Variants in NSD1 observed in about 807,000 individuals in gnomAD.
NSD1 encodes nuclear receptor binding SET domain protein 1.
A neutral mutation model predicts 242.7 loss-of-function variants in NSD1; 26 were observed. The observed-to-expected ratio is 0.11, with a 90% CI of 0.08 to 0.15. The LOEUF (loss-of-function observed/expected upper bound fraction) is 0.15. Ranked by LOEUF, NSD1 falls within the 10% of genes least tolerant of loss-of-function variation. NSD1 has a pLI of 1.00. For synonymous variants in NSD1, 1,106 were observed against 1,178.1 expected, an observed-to-expected ratio of 0.94 and a Z score of 1.25; for missense variants, 2,495 against 3,272.8, an observed-to-expected ratio of 0.76 and a Z score of 5.80.
intron 14 of NSD1, among the ~76,000 whole-genome samples, chr5:177,262,935 G>A (rs941029072): frequency 6.6e-6 from 1 of 152,224 alleles, no homozygotes; most frequent in Non-Finnish European, 1.5e-5. Flanking sequence ...TAAAAATGCA[G>A]TTTCACTGAG....
rs1313604020 is a variant in NSD1 at position 177,260,089 on chromosome 5, C to T, written c.5067C>T (p.Cys1689=). The change falls in exon 14 of 23, where the codon TGC becomes TGT. Residue 1689 remains cysteine, a synonymous_variant. Transcript: ENST00000439151. The stretch of plus-strand genomic sequence containing the variant: ...TCCTTGCATCTAATAGTATCATCTG[C>T]CCTAATCACTTTACCCCTAGGCGGG... ...SKILASNSII[C]PNHFTPRRGC... 6.2e-6 allele frequency: 10 copies of T among 1,614,004 alleles called. No homozygotes were observed. The South Asian group carries it at 8.8e-5, about 14-fold the overall frequency.
intron 17 of NSD1, among the ~76,000 whole-genome samples, chr5:177,278,509 C>T (rs1349586734): frequency 6.6e-6 from 1 of 152,016 alleles, no homozygotes; most frequent in Non-Finnish European, 1.5e-5. Context: ...TAATAAAATG[C>T]AAGAAATGAA....
chr5:177,174,242 T>C (rs1759982485), intron 2 of NSD1, among the ~76,000 whole-genome samples: 1 of 152,076 alleles, frequency 6.6e-6, no homozygotes, highest in African/African-American at 2.4e-5. Context: ...GTGCCCCAGC[T>C]ACTTGGGATG....
intron 14 of NSD1, among the ~76,000 whole-genome samples, chr5:177,263,857 A>C (rs1475755331): frequency 6.6e-6 from 1 of 152,160 alleles, no homozygotes; most frequent in East Asian, 1.9e-4. Context: ...GGCGAATGAT[A>C]AAATTTGAGC....
At chr5:177,148,864 G>C (rs1757468524) in intron 2 of NSD1, among the ~76,000 whole-genome samples, 1 of 152,144 alleles carries the variant, frequency 6.6e-6, no homozygotes. Context: ...TGTTGCCCAG[G>C]CTGAAGTGCA....
chr5:177,139,696 T>G (rs1756648043), intron 2 of NSD1, among the ~76,000 whole-genome samples: 1 of 152,194 alleles, frequency 6.6e-6, no homozygotes, highest in Non-Finnish European at 1.5e-5. Flanking sequence ...GGCTAACACC[T>G]GTAATTCTAG....
intron 2 of NSD1, among the ~76,000 whole-genome samples, chr5:177,161,680 CT>C (rs57657595): frequency 0.14 from 18,299 of 135,090 alleles, 1,324 homozygotes; most frequent in East Asian, 0.48. Flanking sequence ...TTCTTTCTTT[CT>C]TTTTTTTTTT....
intron 5 of NSD1, among the ~76,000 whole-genome samples, chr5:177,223,430 G>A (rs1223866870): frequency 1.2e-4 from 18 of 151,872 alleles, no homozygotes; most frequent in African/African-American, 2.4e-4. Flanking sequence ...AAAATTAGCC[G>A]GATGTGGTAG....
At chr5:177,178,089 T>C (rs1208130825) in intron 2 of NSD1, among the ~76,000 whole-genome samples, 1 of 151,782 alleles carries the variant, frequency 6.6e-6, no homozygotes, top group East Asian at 1.9e-4. Flanking sequence ...TAGAGACAGT[T>C]TCATCATGTT....
intron 13 of NSD1, among the ~76,000 whole-genome samples, 200 bp downstream of exon 13, chr5:177,257,351 C>T (rs1343380359): frequency 1.3e-5 from 2 of 151,598 alleles, no homozygotes; most frequent in African/African-American, 4.9e-5. Context: ...CTGCTTCAGC[C>T]TCCTGAGTAG....
chr5:177,148,056 T>G (rs536978314), intron 2 of NSD1, among the ~76,000 whole-genome samples: 74 of 152,246 alleles, frequency 4.9e-4, no homozygotes, highest in African/African-American at 1.7e-3. Context: ...ACTGTAAGTT[T>G]TCACTTCTCT....
intron 2 of NSD1, among the ~76,000 whole-genome samples, chr5:177,186,759 TAGG>T (rs1761267880): frequency 1.3e-5 from 2 of 152,148 alleles, no homozygotes; most frequent in South Asian, 4.1e-4. Flanking sequence ...GAAGACAAGG[TAGG>T]AGGATTGCTT....
intron 2 of NSD1, chr5:177,137,203 T>G: frequency 3.1e-6 from 1 of 325,876 alleles, no homozygotes. Context: ...TCTTGATTGC[T>G]ATAAGATTCC....
chr5:177,181,247 C>T (rs545545767), intron 2 of NSD1, among the ~76,000 whole-genome samples: 34 of 151,894 alleles, frequency 2.2e-4, no homozygotes, highest in African/African-American at 8.0e-4. Flanking sequence ...TGTGCCACTG[C>T]ACTCCATCCT....
chr5:177,272,700 G>A (rs1030277237), intron 16 of NSD1, among the ~76,000 whole-genome samples: 4 of 152,058 alleles, frequency 2.6e-5, no homozygotes, highest in African/African-American at 7.2e-5. Context: ...GGCCAGACTG[G>A]GCAACATGGC....
rs1757814600 is a variant in NSD1, at chr5:177,269,876, G to T, written c.5509+69G>T. 3 of 1,354,246 alleles carry T rather than the reference G, an allele frequency of 2.2e-6. No homozygotes were observed. Among genetic ancestry groups the T allele is most frequent in the South Asian group, 1.3e-5 (1 of 74,130 alleles). 83.9% of individuals were successfully genotyped at this position (1,354,246 alleles called of 1,614,324 possible). On this transcript the variant is annotated intron_variant, in intron 16 of 22. Transcript: ENST00000439151. This position sits in a 1 kb window ranked among gnomAD's most constrained non-coding sequence, Gnocchi z 5.1. ...TTACCTGAGTGTCTGATCTGTTTTA[G>T]AATTCACATATGCTCCATTTTGAAA...
chr5:177,220,903 C>A, intron 5 of NSD1: 3 of 375,524 alleles, frequency 8.0e-6, no homozygotes, highest in Non-Finnish European at 1.6e-5. Flanking sequence ...CTCCCTCTGT[C>A]ATCCAGGCTG....
chr5:177,242,134 T>A (rs1018962820), intron 8 of NSD1, among the ~76,000 whole-genome samples: 2 of 152,180 alleles, frequency 1.3e-5, no homozygotes, highest in African/African-American at 4.8e-5. Context: ...ATAAAATTGA[T>A]CATAATAGAA....
At chr5:177,159,746 C>G (rs942568752) in intron 2 of NSD1, among the ~76,000 whole-genome samples, 1 of 151,934 alleles carries the variant, frequency 6.6e-6, no homozygotes, top group African/African-American at 2.4e-5. Flanking sequence ...GCATATACCA[C>G]CACGCCTGGC....
Sources: allele counts gnomAD v4.1 joint callset (sites outside exome capture counted in the v4.1 genomes callset), GRCh38; gene constraint gnomAD v4.1.1; non-coding constraint Gnocchi (gnomAD v3.1); transcripts MANE v1.5; gene names NCBI Gene and HGNC (gene_info 2026-07-23, HGNC 2026-07-21).